CALN1: variants seen among roughly 807,000 people sequenced by gnomAD.
CALN1 encodes calneuron 1.
In CALN1, 17 loss-of-function variants were observed where a neutral mutation model predicts 30.6. The ratio of observed to expected loss-of-function variants is 0.56; its 90% CI spans 0.38 to 0.83. CALN1 has a LOEUF of 0.83. Among genes scored for constraint, CALN1 ranks in the 40% least tolerant of loss-of-function variants. CALN1 has a pLI of 0.00. For synonymous variants in CALN1, 156 were observed against 131.4 expected, an observed-to-expected ratio of 1.19 and a Z score of -1.28; for missense variants, 291 against 354.9, an observed-to-expected ratio of 0.82 and a Z score of 1.45.
At chr7:71,974,073 A>G (rs772925894) in intron 5 of CALN1, among the ~76,000 whole-genome samples, 51 of 152,266 alleles carry the variant, frequency 3.3e-4, no homozygotes, top group Non-Finnish European at 5.9e-4. Context: ...TCAACCAAAT[A>G]TATGGTAAAC....
intron 5 of CALN1, among the ~76,000 whole-genome samples, chr7:71,872,403 T>C (rs966706008): frequency 5.3e-5 from 8 of 152,240 alleles, no homozygotes; most frequent in Admixed American, 5.2e-4. Context: ...TTTAACTTAG[T>C]ACCAGAATGT....
rs574893308 is a variant in CALN1, at chr7:72,397,874, A to G, written c.119+5377T>C. On this transcript the variant is annotated intron_variant, in intron 2 of 6. Transcript: ENST00000395275. ...ATTGATCATGCCTAGCCCTTCCATT[A>G]TAAGCCAAGGATGAGCTTGATGAAG... Among the ~76,000 whole-genome samples, 4 of 152,320 alleles carry G rather than the reference A, an allele frequency of 2.6e-5. No homozygotes were observed. The South Asian group carries it at 8.3e-4, about 32-fold the overall frequency.
chr7:71,818,912 A>T (rs1043537658), intron 5 of CALN1, among the ~76,000 whole-genome samples: 1 of 151,652 alleles, frequency 6.6e-6, no homozygotes, highest in Admixed American at 6.6e-5. Flanking sequence ...GTTTCACCAT[A>T]TTGGCCAGGC....
chr7:72,235,807 C>T (rs1406760071), intron 3 of CALN1, among the ~76,000 whole-genome samples: 1 of 151,980 alleles, frequency 6.6e-6, no homozygotes, highest in Admixed American at 6.6e-5. Context: ...GTTACAACCA[C>T]TGTCCCTTTG....
intron 2 of CALN1, among the ~76,000 whole-genome samples, chr7:72,388,405 A>AT (rs753262933): frequency 3.3e-5 from 5 of 152,116 alleles, no homozygotes; most frequent in Non-Finnish European, 7.3e-5. Context: ...GTTATATCCT[A>AT]AAATGAGATC....
At chr7:72,018,351 C>T (rs1225034053) in intron 5 of CALN1, among the ~76,000 whole-genome samples, 2 of 152,094 alleles carry the variant, frequency 1.3e-5, no homozygotes, top group Non-Finnish European at 2.9e-5. Flanking sequence ...CTCAGCCCCG[C>T]TCAGTCCCTT....
At chr7:72,393,364 T>C (rs1805704279) in intron 2 of CALN1, among the ~76,000 whole-genome samples, 1 of 152,030 alleles carries the variant, frequency 6.6e-6, no homozygotes, top group Admixed American at 6.5e-5. Flanking sequence ...CTCGGGAGGC[T>C]GAGGCAGGAG....
At chr7:72,311,802 C>T (rs932617757) in intron 2 of CALN1, among the ~76,000 whole-genome samples, 2 of 151,688 alleles carry the variant, frequency 1.3e-5, no homozygotes, top group African/African-American at 4.8e-5. Flanking sequence ...GCCTGGCCAT[C>T]ACCTGTATTT....
chr7:72,355,009 A>T (rs1803147109), intron 2 of CALN1, among the ~76,000 whole-genome samples: 1 of 151,776 alleles, frequency 6.6e-6, no homozygotes, highest in Admixed American at 6.6e-5. Context: ...TCCCGGGCTC[A>T]AGCCATCCTC....
intron 5 of CALN1, among the ~76,000 whole-genome samples, chr7:71,858,138 G>T (rs566628638): frequency 1.3e-5 from 2 of 152,204 alleles, no homozygotes; most frequent in Admixed American, 6.5e-5. Context: ...TCATGGGGGT[G>T]GTTACCTCCA....
intron 5 of CALN1, among the ~76,000 whole-genome samples, chr7:71,939,922 A>C (rs6460698): frequency 6.6e-6 from 1 of 151,946 alleles, no homozygotes; most frequent in Non-Finnish European, 1.5e-5. Flanking sequence ...CCCAGACCAT[A>C]TCAACTCCAA....
intron 3 of CALN1, among the ~76,000 whole-genome samples, chr7:72,214,589 G>A (rs759992724): frequency 6.6e-6 from 1 of 152,114 alleles, no homozygotes; most frequent in Non-Finnish European, 1.5e-5. Flanking sequence ...CTGCACTCCA[G>A]CCTGGGTGAC....
chr7:72,213,273 G>A (rs759759588), intron 3 of CALN1, among the ~76,000 whole-genome samples: 1 of 152,196 alleles, frequency 6.6e-6, no homozygotes, highest in Non-Finnish European at 1.5e-5. Flanking sequence ...CCTCAAAGCT[G>A]GAGACAGGAA....
At chr7:72,408,820 G>A (rs1036799648) in intron 1 of CALN1, among the ~76,000 whole-genome samples, 7 of 151,676 alleles carry the variant, frequency 4.6e-5, no homozygotes, top group Non-Finnish European at 7.4e-5. Context: ...TGGGACTACA[G>A]GCGGGCACCA....
chr7:71,859,019 G>A (rs1668352845), intron 5 of CALN1, among the ~76,000 whole-genome samples: 1 of 152,020 alleles, frequency 6.6e-6, no homozygotes, highest in African/African-American at 2.4e-5. Flanking sequence ...GGGGTCCTCT[G>A]CTGGGTAATC....
chr7:71,790,410 AAGAAAGAAAGAAAG>A (rs1793307531), intron 6 of CALN1, among the ~76,000 whole-genome samples: 1 of 151,680 alleles, frequency 6.6e-6, no homozygotes, highest in Non-Finnish European at 1.5e-5. Context: ...GAAAGAAAGA[AAGAAAGAAAGAAAG>A]AAGCAAGCAA....
intron 4 of CALN1, among the ~76,000 whole-genome samples, chr7:72,083,316 G>A (rs982229248): frequency 4.6e-5 from 7 of 152,184 alleles, no homozygotes; most frequent in African/African-American, 7.2e-5. Context: ...TGATAAATGT[G>A]CCAAAGATCT....
chr7:71,922,132 T>A (rs1794977967), intron 5 of CALN1, among the ~76,000 whole-genome samples: 1 of 152,178 alleles, frequency 6.6e-6, no homozygotes, highest in South Asian at 2.1e-4. Flanking sequence ...TCAGGTATGG[T>A]CACAAATGGA....
chr7:72,245,476 G>A (rs755246504), intron 3 of CALN1, among the ~76,000 whole-genome samples: 17 of 151,948 alleles, frequency 1.1e-4, no homozygotes, highest in East Asian at 3.9e-4. Context: ...AAAATTAGCC[G>A]GGCATGGTGG....
Sources: allele counts gnomAD v4.1 joint callset (sites outside exome capture counted in the v4.1 genomes callset), GRCh38; gene constraint gnomAD v4.1.1; transcripts MANE v1.5; gene names NCBI Gene and HGNC (gene_info 2026-07-23, HGNC 2026-07-21).